ABCB11: variants seen among roughly 807,000 people sequenced by gnomAD.
ABCB11 encodes the protein bile salt export pump.
A neutral mutation model predicts 148.0 loss-of-function variants in ABCB11; 95 were observed. The observed-to-expected ratio is 0.64, with a 90% CI of 0.54 to 0.76. The LOEUF is 0.76. Among genes scored for constraint, ABCB11 ranks in the 30% least tolerant of loss-of-function variants. The probability of loss-of-function intolerance (pLI) is 0.00; values close to 1 mark genes in which losing one functional copy is unlikely to be tolerated. For missense variants in ABCB11, 1,523 were observed against 1,617.8 expected (o/e 0.94, Z 1.01); for synonymous variants, 591 against 555.4 (o/e 1.06, Z -0.90).
rs1329806593 is a variant in ABCB11, at chr2:168,924,876, G to A, written c.3619-73C>T. 12 of 1,262,282 alleles carry A rather than the reference G, an allele frequency of 9.5e-6. 1 individual carries two copies. The South Asian group carries it at 1.8e-4, about 19-fold the overall frequency. 78.2% of individuals were successfully genotyped at this position (1,262,282 alleles called of 1,614,324 possible). On this transcript the variant is annotated intron_variant, in intron 26 of 27. Coordinates refer to ENST00000650372, the MANE Select transcript of ABCB11 (RefSeq NM_003742.4). ...CTGTGCTGTACTGAACTCATGTCAA[G>A]GTCTCCTCTGTAATTTAAATTATTT... is the stretch of plus-strand genomic sequence containing the variant.
Position 169,016,786 on chromosome 2 carries a change from CTTATCATTA to C in ABCB11, c.81_89del (p.Asn27_Asp29del), listed in dbSNP as rs777602359. 3.8e-6 allele frequency: 6 copies of C among 1,596,058 alleles called. No individual in the cohort carries two copies. The South Asian group carries it at 6.8e-5, about 18-fold the overall frequency. ...TGAAATCAGTCACTTACCTTGATTT[CTTATCATTA>C]TTATCTGTCAGAAAAAAAAATCAAC... On this transcript the variant is annotated inframe_deletion, in exon 3 of 28. Transcript: ENST00000650372.
chr2:168,997,160 A>G (rs1310769019), intron 5 of ABCB11, among the ~76,000 whole-genome samples: 1 of 152,086 alleles, frequency 6.6e-6, no homozygotes, highest in Non-Finnish European at 1.5e-5. Context: ...GCTGTCTGAA[A>G]AGAAACTGAT....
intron 1 of ABCB11, 22 bp from the exon 2 acceptor site, chr2:169,018,174 T>A: frequency 1.4e-5 from 22 of 1,575,846 alleles, no homozygotes; most frequent in Non-Finnish European, 1.9e-5. Flanking sequence ...AATAAAAGAA[T>A]CATTGCAATT....
chr2:168,933,672 G>A (rs1393261867), intron 23 of ABCB11, among the ~76,000 whole-genome samples: 2 of 152,220 alleles, frequency 1.3e-5, no homozygotes, highest in African/African-American at 4.8e-5. Context: ...CACTTGAAAT[G>A]AAATGGAAAA....
At chr2:168,936,507 C>T in intron 21 of ABCB11, 74 bp from the exon 22 acceptor site, 1 of 1,391,068 alleles carries the variant, frequency 7.2e-7, no homozygotes, top group Non-Finnish European at 1.0e-6. Flanking sequence ...ACAAAAAGGT[C>T]AGACCTTTTA....
chr2:168,955,133 A>G (rs1003469225), intron 19 of ABCB11, among the ~76,000 whole-genome samples: 2 of 151,398 alleles, frequency 1.3e-5, no homozygotes, highest in African/African-American at 4.8e-5. Flanking sequence ...CTCCTTGGTA[A>G]ATTTCTCATT....
chr2:169,004,969 G>A (rs147184213), intron 5 of ABCB11, among the ~76,000 whole-genome samples: 1 of 152,096 alleles, frequency 6.6e-6, no homozygotes, highest in African/African-American at 2.4e-5. Context: ...GCTGGTACTG[G>A]CAAGAGTCTG....
downstream of ABCB11, among the ~76,000 whole-genome samples, chr2:168,915,794 A>G (rs141897854): frequency 2.3e-3 from 346 of 152,346 alleles, 1 homozygote; most frequent in Middle Eastern, 0.01. Context: ...TTCATTGACA[A>G]GACAATGTCA....
At chr2:168,927,880 T>A (rs1691386097) in intron 25 of ABCB11, among the ~76,000 whole-genome samples, 1 of 152,176 alleles carries the variant, frequency 6.6e-6, no homozygotes, top group Admixed American at 6.5e-5. Flanking sequence ...AAACATATAT[T>A]TGAATCACCT....
intron 19 of ABCB11, among the ~76,000 whole-genome samples, chr2:168,947,288 T>C (rs1388016310): frequency 1.3e-5 from 2 of 151,650 alleles, no homozygotes; most frequent in Admixed American, 1.3e-4. Context: ...CACCTAAATA[T>C]ATACAGATAG....
In ABCB11 at chr2:169,026,428, C is replaced by T. The variant is rs576408880; in HGVS notation, c.-28+4797G>A. ...CCTTTATCTTTGGGCAGCTTAGAAA[C>T]GGCTGTGATGATTTTTGAAGGCCAT... On this transcript the variant is annotated intron_variant, in intron 1 of 27. Coordinates refer to ENST00000650372, the MANE Select transcript of ABCB11 (RefSeq NM_003742.4). Among the ~76,000 whole-genome samples the T allele has an allele frequency of 1.2e-4, 18 of 152,186 alleles. No homozygotes were observed. In the South Asian group the frequency reaches 1.7e-3, roughly 14 times the overall value.
At chr2:169,020,207 A>G (rs1045860794) in intron 1 of ABCB11, among the ~76,000 whole-genome samples, 27 of 152,186 alleles carry the variant, frequency 1.8e-4, no homozygotes, top group African/African-American at 6.0e-4. Context: ...ACATTGTTTT[A>G]TAATTATAAT....
chr2:168,932,573 G>A (rs767983464), intron 23 of ABCB11, 40 bp from the exon 24 acceptor site: 81 of 1,601,548 alleles, frequency 5.1e-5, no homozygotes, highest in East Asian at 1.8e-4. Context: ...GCAGGGTGGC[G>A]TGGTTGGTGT....
intron 5 of ABCB11, among the ~76,000 whole-genome samples, chr2:168,997,347 C>T (rs1694749290): frequency 6.6e-6 from 1 of 152,052 alleles, no homozygotes; most frequent in Non-Finnish European, 1.5e-5. Flanking sequence ...TAAGTTCATT[C>T]ACCAGGACAA....
Position 168,923,539 on chromosome 2 carries a change from TCCCTCC to T in ABCB11, c.*77_*82del. The T allele has an allele frequency of 1.1e-5, 13 of 1,214,050 alleles. No individual in the cohort carries two copies. The highest frequency in any genetic ancestry group is 1.5e-5 in the Non-Finnish European group (13 of 840,994). The allele number at this position is 1,214,050 out of a possible 1,614,324, so 75.2% of individuals were successfully genotyped here. On this transcript the variant is annotated 3_prime_UTR_variant, in exon 28 of 28. Transcript: ENST00000650372. ...TTTAAAGAAAAAACAATCCCAGCAA[TCCCTCC>T]TGCTGGGATTGTTTTTTTCTTTAAA... is the stretch of plus-strand genomic sequence containing the variant.
chr2:169,011,109 T>A (rs77676634), intron 5 of ABCB11, among the ~76,000 whole-genome samples: 7,119 of 152,294 alleles, frequency 0.047, 551 homozygotes, highest in African/African-American at 0.16. Flanking sequence ...ATTCATTCTT[T>A]AATTCATTGG....
In ABCB11 at chr2:169,021,914, T is replaced by C. The variant is rs550679178; in HGVS notation, c.-27-3762A>G. Among the ~76,000 whole-genome samples the C allele has an allele frequency of 1.1e-4, 17 of 152,118 alleles. No homozygotes were observed. In the East Asian group the frequency reaches 2.3e-3, roughly 21 times the overall value. ...AAAAACTATGTATTTCTCTATATTG[T>C]TGTTATTCTTAAGGGTGTATATTCT... On this transcript the variant is annotated intron_variant, in intron 1 of 27. Coordinates refer to ENST00000650372, the MANE Select transcript of ABCB11 (RefSeq NM_003742.4).
intron 1 of ABCB11, among the ~76,000 whole-genome samples, chr2:169,030,068 C>A (rs550705725): frequency 3.9e-5 from 6 of 152,304 alleles, no homozygotes; most frequent in African/African-American, 1.2e-4. Flanking sequence ...AAGCAAAACA[C>A]AACTCCAGTA....
chr2:168,949,112 T>C (rs1432007981), intron 19 of ABCB11, among the ~76,000 whole-genome samples: 1 of 151,692 alleles, frequency 6.6e-6, no homozygotes, highest in Non-Finnish European at 1.5e-5. Flanking sequence ...CTAGGTTTCC[T>C]TCCTTGTGGA....
Sources: allele counts gnomAD v4.1 joint callset (sites outside exome capture counted in the v4.1 genomes callset), GRCh38; gene constraint gnomAD v4.1.1; transcripts MANE v1.5; gene names NCBI Gene and HGNC (gene_info 2026-07-23, HGNC 2026-07-21).